TG: variants seen among roughly 807,000 people sequenced by gnomAD.
TG encodes thyroid hormones.
Under a neutral mutation model 324.7 loss-of-function variants are expected in TG, and 270 were observed. That is an observed-to-expected ratio of 0.83 (90% CI 0.75 to 0.92). TG has a LOEUF of 0.92. TG is among the 40% of genes least tolerant of loss of function. The probability of loss-of-function intolerance (pLI) is 0.00; values close to 1 mark genes in which losing one functional copy is unlikely to be tolerated. For synonymous variants in TG, 1,401 were observed against 1,327.0 expected (o/e 1.06, Z -1.21); for missense variants, 3,591 against 3,456.4 (o/e 1.04, Z -0.98).
At chr8:133,131,718 G>C in intron 45 of TG, 94 bp from the exon 46 acceptor site, 1 of 1,561,912 alleles carries the variant, frequency 6.4e-7, no homozygotes, top group Non-Finnish European at 8.7e-7. Context: ...GAAAGTCTTG[G>C]TTTTGGAAGA....
intron 16 of TG, among the ~76,000 whole-genome samples, chr8:132,903,558 G>T (rs773027503): frequency 6.6e-6 from 1 of 152,190 alleles, no homozygotes; most frequent in African/African-American, 2.4e-5. Context: ...AAAGTGACCA[G>T]GTTCCTGGTC....
chr8:132,911,704 C>T (rs1188578531), intron 19 of TG, among the ~76,000 whole-genome samples, 171 bp downstream of exon 19: 2 of 152,148 alleles, frequency 1.3e-5, no homozygotes, highest in South Asian at 2.1e-4. Context: ...TCTTGCCAAT[C>T]GTTTACTAGA....
At chr8:133,129,756 C>T (rs999143794) in intron 45 of TG, among the ~76,000 whole-genome samples, 3 of 152,138 alleles carry the variant, frequency 2.0e-5, no homozygotes, top group African/African-American at 7.2e-5. Context: ...CTTGGCCTCC[C>T]AAAGTCCTGG....
At chr8:133,028,342 G>A (rs1354315127) in intron 40 of TG, among the ~76,000 whole-genome samples, 1 of 152,174 alleles carries the variant, frequency 6.6e-6, no homozygotes, top group African/African-American at 2.4e-5. Context: ...TCTACCAATG[G>A]CTTCACCAGT....
chr8:133,020,229 A>G (rs909985087), intron 39 of TG, among the ~76,000 whole-genome samples: 15 of 152,154 alleles, frequency 9.9e-5, no homozygotes, highest in Non-Finnish European at 2.1e-4. Flanking sequence ...TTTCCCAGTA[A>G]CAGAGAGTTT....
intron 43 of TG, among the ~76,000 whole-genome samples, chr8:133,108,556 G>A (rs1850017272): frequency 1.3e-5 from 2 of 152,196 alleles, no homozygotes; most frequent in Admixed American, 1.3e-4. Context: ...TACAGATGAG[G>A]AAATAGACAT....
rs947407700 is a variant in TG, at chr8:132,898,119, G to T, written c.3140-50G>T. Reference sequence around the variant, plus strand: ...AAAGTTGTTTATGGGACACTCCAGGGTAAGTCCCTAGTGCAATTCCTGAAT... The same window carrying T: ...AAAGTTGTTTATGGGACACTCCAGGTTAAGTCCCTAGTGCAATTCCTGAAT... On this transcript the variant is annotated intron_variant, in intron 12 of 47. Coordinates refer to ENST00000220616, the MANE Select transcript of TG (RefSeq NM_003235.5). 15 of 1,526,606 alleles carry T rather than the reference G, an allele frequency of 9.8e-6. No homozygotes were observed. The African/African-American group carries it at 2.0e-4, about 21-fold the overall frequency. 94.6% of individuals were successfully genotyped at this position (1,526,606 alleles called of 1,614,324 possible).
At chr8:132,875,198 C>A (rs1006864884) in intron 5 of TG, among the ~76,000 whole-genome samples, 1 of 152,146 alleles carries the variant, frequency 6.6e-6, no homozygotes, top group East Asian at 1.9e-4. Flanking sequence ...CATGCATCAG[C>A]CAGCTTCAGC....
intron 16 of TG, among the ~76,000 whole-genome samples, chr8:132,903,103 T>C (rs1818160596): frequency 6.6e-6 from 1 of 152,120 alleles, no homozygotes; most frequent in Admixed American, 6.5e-5. Context: ...TGTGAGGGCT[T>C]TAGGAGAAGA....
At chr8:132,906,628 A>T (rs568408065) in intron 16 of TG, 60 bp from the exon 17 acceptor site, 1 of 1,593,142 alleles carries the variant, frequency 6.3e-7, no homozygotes, top group Admixed American at 1.7e-5. Context: ...ACAAGCAGGC[A>T]TGCTCAGTCG....
intron 5 of TG, among the ~76,000 whole-genome samples, chr8:132,878,200 G>A (rs543833445): frequency 3.7e-4 from 56 of 152,272 alleles, no homozygotes; most frequent in African/African-American, 1.3e-3. Context: ...TATTGATGAT[G>A]GAGGGAACTT....
intron 41 of TG, among the ~76,000 whole-genome samples, chr8:133,089,699 C>T (rs908034847): frequency 2.0e-5 from 3 of 152,206 alleles, no homozygotes; most frequent in Non-Finnish European, 4.4e-5. Context: ...CATTCACTCA[C>T]TCATGCAATA....
At chr8:133,069,339 G>A (rs911443611) in intron 41 of TG, among the ~76,000 whole-genome samples, 12 of 152,232 alleles carry the variant, frequency 7.9e-5, no homozygotes, top group Non-Finnish European at 1.6e-4. Flanking sequence ...GCATTTGCCA[G>A]TGACCTGATC....
rs749573523 is a variant in TG at position 132,919,407 on chromosome 8, T to TGAG, written c.4413_4415dup (p.Glu1472dup). 6.2e-7 allele frequency: 1 copy of TGAG among 1,614,186 alleles called. No individual in the cohort carries two copies. On this transcript the variant is annotated inframe_insertion, in exon 21 of 48. Coordinates refer to ENST00000220616, the MANE Select transcript of TG (RefSeq NM_003235.5). The stretch of plus-strand genomic sequence containing the variant: ...GTCCTGAAGGAAGCTATTCCCAAGA[T>TGAG]GAGGAATGCATTCCTTGTCCTGTTG...
intron 29 of TG, among the ~76,000 whole-genome samples, chr8:132,964,434 G>A (rs1828238283): frequency 6.6e-6 from 1 of 152,216 alleles, no homozygotes; most frequent in African/African-American, 2.4e-5. Flanking sequence ...AGTCCAGGCC[G>A]AGTGGCATCT....
intron 40 of TG, among the ~76,000 whole-genome samples, chr8:133,029,098 G>C (rs566080442): frequency 2.6e-4 from 39 of 152,230 alleles, no homozygotes; most frequent in African/African-American, 9.2e-4. Flanking sequence ...CTGATAAAGA[G>C]GACAAGTTAG....
chr8:133,115,030 T>C (rs1850562339), intron 44 of TG, among the ~76,000 whole-genome samples: 1 of 152,130 alleles, frequency 6.6e-6, no homozygotes, highest in Non-Finnish European at 1.5e-5. Context: ...CCATAAGAAC[T>C]CTCAGATGTC....
At chr8:133,103,439 CA>C (rs964027601) in intron 43 of TG, among the ~76,000 whole-genome samples, 3 of 152,012 alleles carry the variant, frequency 2.0e-5, no homozygotes, top group African/African-American at 7.2e-5. Flanking sequence ...TAATTCTCCC[CA>C]GGGGCCCTGT....
intron 35 of TG, among the ~76,000 whole-genome samples, chr8:132,985,591 T>C (rs1831418536): frequency 6.6e-6 from 1 of 152,200 alleles, no homozygotes; most frequent in Non-Finnish European, 1.5e-5. Context: ...TAAATATGGT[T>C]CACCACAGAG....
Sources: allele counts gnomAD v4.1 joint callset (sites outside exome capture counted in the v4.1 genomes callset), GRCh38; gene constraint gnomAD v4.1.1; transcripts MANE v1.5; gene names NCBI Gene and HGNC (gene_info 2026-07-23, HGNC 2026-07-21).